Variants in CNTNAP2 observed in about 807,000 individuals in gnomAD.
CNTNAP2 encodes the protein contactin-associated protein-like 2.
Under a neutral mutation model 155.2 loss-of-function variants are expected in CNTNAP2, and 98 were observed. The observed-to-expected ratio is 0.63, with a 90% CI of 0.54 to 0.75. CNTNAP2 has a LOEUF of 0.75. Ranked by LOEUF, CNTNAP2 falls within the 30% of genes least tolerant of loss-of-function variation. CNTNAP2 has a pLI of 0.00. For missense variants in CNTNAP2, 1,727 were observed against 1,688.1 expected (o/e 1.02, Z -0.40); for synonymous variants, 651 against 631.2 (o/e 1.03, Z -0.47).
intron 15 of CNTNAP2, among the ~76,000 whole-genome samples, chr7:148,021,960 G>T (rs113811517): frequency 4.0e-4 from 61 of 152,242 alleles, no homozygotes; most frequent in African/African-American, 1.4e-3. Context: ...TCCTCTGTGG[G>T]TGGAAAGGAT....
At chr7:146,493,954 T>C (rs1386480096) in intron 1 of CNTNAP2, among the ~76,000 whole-genome samples, 1 of 152,184 alleles carries the variant, frequency 6.6e-6, no homozygotes, top group East Asian at 1.9e-4. Context: ...CACTCATATC[T>C]CAGATGTCAC....
intron 1 of CNTNAP2, among the ~76,000 whole-genome samples, chr7:146,395,833 G>GC (rs1795617814): frequency 2.0e-5 from 2 of 98,592 alleles, no homozygotes; most frequent in African/African-American, 1.2e-4. Flanking sequence ...AGAGGAGAGA[G>GC]AGAGAGAGAG....
chr7:148,264,629 A>G (rs1286743901), intron 20 of CNTNAP2, among the ~76,000 whole-genome samples: 1 of 152,210 alleles, frequency 6.6e-6, no homozygotes, highest in Non-Finnish European at 1.5e-5. Context: ...TATAATGAAC[A>G]TATATTATTT....
At position 146,991,391 on chromosome 7, in the gene CNTNAP2, CAGA is replaced by C. The variant is rs1461292596; in HGVS notation, c.403-52509_403-52507del. Among the ~76,000 whole-genome samples the C allele has an allele frequency of 5.3e-5, 8 of 152,088 alleles. No individual in the cohort carries two copies. The South Asian group carries it at 1.7e-3, about 32-fold the overall frequency. ...TTAAATTTAGAGGTCAGAATGAAGG[CAGA>C]AGAAGAGAGAAATGATTCTGCAGGA... On this transcript the variant is annotated intron_variant, in intron 3 of 23. Coordinates refer to ENST00000361727, the MANE Select transcript of CNTNAP2 (RefSeq NM_014141.6).
At chr7:146,539,984 C>T (rs1233888853) in intron 1 of CNTNAP2, among the ~76,000 whole-genome samples, 1 of 152,014 alleles carries the variant, frequency 6.6e-6, no homozygotes, top group Non-Finnish European at 1.5e-5. Context: ...AAAGGGAAGT[C>T]AGAGGAGGGT....
rs533730555 is a variant in CNTNAP2, at chr7:148,019,937, A to G, written c.2383+41948A>G. 3.3e-5 allele frequency among the ~76,000 whole-genome samples: 5 copies of G among 152,224 alleles called. No homozygotes were observed. The South Asian group carries it at 1.0e-3, about 32-fold the overall frequency. On this transcript the variant is annotated intron_variant, in intron 15 of 23. Coordinates refer to ENST00000361727, the MANE Select transcript of CNTNAP2 (RefSeq NM_014141.6). ...GTAGCTGGGATTACAGGTGCCTGCCACCACGCCCAGCTAATTTCTGTATTT... is the reference window on the plus strand; with the variant it reads ...GTAGCTGGGATTACAGGTGCCTGCCGCCACGCCCAGCTAATTTCTGTATTT...
chr7:146,728,770 G>A (rs575616532), intron 1 of CNTNAP2, among the ~76,000 whole-genome samples: 1 of 152,096 alleles, frequency 6.6e-6, no homozygotes, highest in Non-Finnish European at 1.5e-5. Context: ...TAAATGAAAG[G>A]CTTAAGTTCA....
At chr7:146,570,035 T>C (rs1300811759) in intron 1 of CNTNAP2, among the ~76,000 whole-genome samples, 1 of 152,222 alleles carries the variant, frequency 6.6e-6, no homozygotes, top group East Asian at 1.9e-4. Context: ...CAAGTCACTC[T>C]ACTGATTTGC....
At chr7:146,491,680 C>T (rs1374465733) in intron 1 of CNTNAP2, among the ~76,000 whole-genome samples, 4 of 152,108 alleles carry the variant, frequency 2.6e-5, no homozygotes, top group African/African-American at 9.7e-5. Flanking sequence ...AAACCCAGTG[C>T]TGTTAGTGAA....
intron 11 of CNTNAP2, among the ~76,000 whole-genome samples, chr7:147,526,737 G>A (rs1799328446): frequency 6.6e-6 from 1 of 152,138 alleles, no homozygotes; most frequent in Non-Finnish European, 1.5e-5. Context: ...TTTGAGTTCA[G>A]TCCTAGGCTA....
chr7:146,553,033 T>G (rs1798144437), intron 1 of CNTNAP2, among the ~76,000 whole-genome samples: 1 of 152,112 alleles, frequency 6.6e-6, no homozygotes, highest in Non-Finnish European at 1.5e-5. Context: ...ATTTGTGGTT[T>G]TTGATAATAA....
At chr7:146,138,167 C>T (rs575629290) in intron 1 of CNTNAP2, among the ~76,000 whole-genome samples, 31 of 152,150 alleles carry the variant, frequency 2.0e-4, no homozygotes, top group African/African-American at 7.5e-4. Flanking sequence ...ATAAATGTCA[C>T]ATTGTTATTT....
At chr7:146,463,936 C>A (rs1291784073) in intron 1 of CNTNAP2, among the ~76,000 whole-genome samples, 2 of 151,776 alleles carry the variant, frequency 1.3e-5, no homozygotes, top group African/African-American at 4.8e-5. Context: ...TTTAGGTGAG[C>A]CTGGGAGGAA....
chr7:146,501,325 G>A (rs1797297358), intron 1 of CNTNAP2, among the ~76,000 whole-genome samples: 1 of 152,064 alleles, frequency 6.6e-6, no homozygotes, highest in African/African-American at 2.4e-5. Flanking sequence ...GAATTCACCA[G>A]TGAATCTACT....
intron 3 of CNTNAP2, among the ~76,000 whole-genome samples, chr7:147,030,521 T>C (rs1300132079): frequency 1.3e-5 from 2 of 152,244 alleles, no homozygotes; most frequent in Non-Finnish European, 2.9e-5. Context: ...GATAAGTATT[T>C]TTAATCAATT....
At chr7:146,741,906 G>A (rs1023196260) in intron 1 of CNTNAP2, among the ~76,000 whole-genome samples, 1 of 151,830 alleles carries the variant, frequency 6.6e-6, no homozygotes, top group African/African-American at 2.4e-5. Context: ...AAATTGGAAG[G>A]AAAAAACCCT....
At chr7:147,057,278 C>T (rs1358549265) in intron 4 of CNTNAP2, among the ~76,000 whole-genome samples, 1 of 152,168 alleles carries the variant, frequency 6.6e-6, no homozygotes, top group Admixed American at 6.5e-5. Flanking sequence ...ACAGCTGAGC[C>T]TAAAGCCTGC....
intron 12 of CNTNAP2, among the ~76,000 whole-genome samples, chr7:147,617,155 G>A (rs1031167792): frequency 5.9e-5 from 9 of 152,034 alleles, no homozygotes; most frequent in South Asian, 2.1e-4. Context: ...TTCTTCATGC[G>A]ACACATCCCC....
At chr7:146,562,542 A>G (rs188499435) in intron 1 of CNTNAP2, among the ~76,000 whole-genome samples, 2 of 152,312 alleles carry the variant, frequency 1.3e-5, no homozygotes, top group East Asian at 1.9e-4. Flanking sequence ...TTGTAGCAAT[A>G]TTCTGGCTTT....
Sources: allele counts gnomAD v4.1 joint callset (sites outside exome capture counted in the v4.1 genomes callset), GRCh38; gene constraint gnomAD v4.1.1; transcripts MANE v1.5; gene names NCBI Gene and HGNC (gene_info 2026-07-23, HGNC 2026-07-21).